The following KYNU variants were observed in gnomAD, a reference collection of about 807,000 sequenced individuals.
KYNU encodes kynureninase.
A neutral mutation model predicts 59.2 loss-of-function variants in KYNU; 54 were observed. The observed-to-expected ratio is 0.91, with a 90% CI of 0.73 to 1.14. KYNU has a LOEUF of 1.14. Among genes scored for constraint, KYNU ranks in the 50% most tolerant of loss-of-function variants. The pLI is 0.00. For missense variants in KYNU, 567 were observed against 554.4 expected (o/e 1.02, Z -0.23); for synonymous variants, 177 against 192.0 (o/e 0.92, Z 0.65).
intron 8 of KYNU, 84 bp from the exon 9 acceptor site, chr2:142,985,000 G>A (rs1685156771): frequency 4.7e-6 from 4 of 854,008 alleles, no homozygotes; most frequent in Admixed American, 3.5e-5. Context: ...ACAGAAGTTT[G>A]TCAAATGTTT....
At chr2:143,018,354 C>G (rs984940179) in intron 10 of KYNU, among the ~76,000 whole-genome samples, 15 of 152,164 alleles carry the variant, frequency 9.9e-5, no homozygotes, top group African/African-American at 3.6e-4. Flanking sequence ...TATTCTTCTG[C>G]ATATTGACAG....
At position 142,885,555 on chromosome 2, in the gene KYNU, T is replaced by C. The variant is rs779467894; in HGVS notation, c.169+19T>C. On this transcript the variant is annotated intron_variant, in intron 2 of 13. Transcript: ENST00000264170. ...CCTCCAGGTAAGAATGCTGGGAAGGTTTTTAAATTTTATTTATTTATTTAT... is the reference window on the plus strand; with the variant it reads ...CCTCCAGGTAAGAATGCTGGGAAGGCTTTTAAATTTTATTTATTTATTTAT... 1 of 1,594,022 alleles carries C rather than the reference T, an allele frequency of 6.3e-7. No individual in the cohort carries two copies. Among genetic ancestry groups the C allele is most frequent in the South Asian group, 1.1e-5 (1 of 89,092 alleles).
chr2:143,014,504 G>A (rs1686199055), intron 10 of KYNU, among the ~76,000 whole-genome samples: 1 of 152,158 alleles, frequency 6.6e-6, no homozygotes, highest in Admixed American at 6.5e-5. Context: ...GATCAAACAT[G>A]TCTACTGCAA....
In KYNU at chr2:142,983,996, C is replaced by G. The variant is rs1053184408; in HGVS notation, c.730-1088C>G. On this transcript the variant is annotated intron_variant, in intron 8 of 13. Transcript: ENST00000264170. The stretch of plus-strand genomic sequence containing the variant: ...GAAAAGGCAGGAGTAGTTGAATAGC[C>G]TTTCCGTCAATTTTGTGTATTCTTT... Among the ~76,000 whole-genome samples the G allele has an allele frequency of 6.6e-5, 10 of 152,072 alleles. No individual in the cohort carries two copies. In the South Asian group the frequency reaches 2.1e-3, roughly 32 times the overall value.
At chr2:142,960,167 G>A (rs1293105549) in intron 7 of KYNU, among the ~76,000 whole-genome samples, 4 of 152,194 alleles carry the variant, frequency 2.6e-5, no homozygotes, top group Non-Finnish European at 4.4e-5. Flanking sequence ...GATTACAGGC[G>A]TGAGCCACAC....
At chr2:143,038,060 A>G (rs1686936625) in intron 12 of KYNU, among the ~76,000 whole-genome samples, 2 of 152,214 alleles carry the variant, frequency 1.3e-5, no homozygotes, top group Admixed American at 6.5e-5. Context: ...GAAAGCTTCA[A>G]GAGCAACATT....
At chr2:142,891,938 G>T (rs1262002769) in intron 2 of KYNU, among the ~76,000 whole-genome samples, 1 of 150,748 alleles carries the variant, frequency 6.6e-6, no homozygotes. Flanking sequence ...TTTTAGATGG[G>T]GTCTCACTCT....
At chr2:142,896,073 C>T (rs1186111660) in intron 2 of KYNU, among the ~76,000 whole-genome samples, 1 of 152,152 alleles carries the variant, frequency 6.6e-6, no homozygotes, top group African/African-American at 2.4e-5. Context: ...TCTTAGCTTT[C>T]AGGCCATACA....
chr2:143,035,627 G>A (rs1210078050), intron 12 of KYNU, among the ~76,000 whole-genome samples: 1 of 152,070 alleles, frequency 6.6e-6, no homozygotes, highest in Non-Finnish European at 1.5e-5. Flanking sequence ...GTCTTGCTCT[G>A]TTGTTCAGAC....
chr2:143,038,022 C>CA (rs1686934826), intron 12 of KYNU, among the ~76,000 whole-genome samples: 1 of 151,908 alleles, frequency 6.6e-6, no homozygotes, highest in Non-Finnish European at 1.5e-5. Flanking sequence ...TTTGTCATAC[C>CA]AAAAAAATTG....
chr2:142,891,997 C>A (rs888209044), intron 2 of KYNU, among the ~76,000 whole-genome samples: 2 of 152,060 alleles, frequency 1.3e-5, no homozygotes, highest in Non-Finnish European at 2.9e-5. Flanking sequence ...AGAGCAACCT[C>A]CACCCCCTGA....
chr2:143,041,395 G>T lies in KYNU; in HGVS notation c.1273-652G>T, dbSNP rs2104927246. On this transcript the variant is annotated intron_variant, in intron 13 of 13. Transcript: ENST00000264170. ...CTGTCGTCAAACTCTGTCCTCTTTGGAAAGTTCATTAGGATCTATTGGCTT... is the reference window on the plus strand; with the variant it reads ...CTGTCGTCAAACTCTGTCCTCTTTGTAAAGTTCATTAGGATCTATTGGCTT... 1.3e-5 allele frequency among the ~76,000 whole-genome samples: 2 copies of T among 152,132 alleles called. 1 individual carries two copies. Among genetic ancestry groups the T allele is most frequent in the South Asian group, 4.1e-4 (2 of 4,824 alleles).
intron 4 of KYNU, among the ~76,000 whole-genome samples, chr2:142,940,662 T>G (rs1240116812): frequency 6.6e-6 from 1 of 152,216 alleles, no homozygotes; most frequent in Admixed American, 6.5e-5. Flanking sequence ...TTTAAATTTT[T>G]AAAAGAAAAT....
rs1558992675 is a variant in KYNU at position 143,050,504 on chromosome 2, T to G, written c.*8332T>G. On this transcript the variant is annotated 3_prime_UTR_variant, in exon 14 of 14. Transcript: ENST00000264170. The stretch of plus-strand genomic sequence containing the variant: ...TCCTCAATACTATGGCTACGTAGTA[T>G]TCCATGGTGTATATATACCACATTT... 1 of 152,220 alleles carries G rather than the reference T, an allele frequency of 6.6e-6. No homozygotes were observed. The highest frequency in any genetic ancestry group is 1.5e-5 in the Non-Finnish European group (1 of 68,048). The allele number at this position is 152,220 out of a possible 1,614,324, so 9.4% of individuals were successfully genotyped here.
At chr2:142,881,427 G>T (rs562103583) in intron 1 of KYNU, 1 of 152,190 alleles carries the variant, frequency 6.6e-6, no homozygotes, top group Non-Finnish European at 1.5e-5. Flanking sequence ...TGAAAATCGA[G>T]AGTGTAAGAA....
At chr2:142,903,857 C>T (rs916027146) in intron 2 of KYNU, among the ~76,000 whole-genome samples, 4 of 152,156 alleles carry the variant, frequency 2.6e-5, no homozygotes, top group Admixed American at 6.5e-5. Flanking sequence ...CCTTGTAGAT[C>T]GCACTGGAAG....
intron 2 of KYNU, among the ~76,000 whole-genome samples, chr2:142,916,793 A>C (rs1192569287): frequency 6.6e-6 from 1 of 152,248 alleles, no homozygotes; most frequent in Non-Finnish European, 1.5e-5. Context: ...CAATACCTAC[A>C]AGAAGAGTGA....
Position 142,964,024 on chromosome 2 carries a change from C to T in KYNU, c.729+3254C>T, listed in dbSNP as rs186660231. Among the ~76,000 whole-genome samples, 802 of 151,756 alleles carry T rather than the reference C, an allele frequency of 5.3e-3. 11 individuals carry two copies. Among genetic ancestry groups the T allele is most frequent in the African/African-American group, 0.019 (768 of 41,410 alleles). On this transcript the variant is annotated intron_variant, in intron 8 of 13. Transcript: ENST00000264170. The stretch of plus-strand genomic sequence containing the variant: ...ATTTCTGAATTTGGGATTTTAGATG[C>T]TCATCTTTTATAAAGTTTTTTTTTG...
At chr2:143,023,245 T>C (rs1459459886) in intron 10 of KYNU, among the ~76,000 whole-genome samples, 1 of 151,908 alleles carries the variant, frequency 6.6e-6, no homozygotes, top group East Asian at 1.9e-4. Context: ...TTCAGATCAA[T>C]TTACTTTAAA....
Sources: gnomAD v4.1 joint callset for allele counts (sites outside exome capture counted in the v4.1 genomes callset) on GRCh38, gnomAD v4.1.1 for gene constraint, MANE v1.5 for transcripts, NCBI Gene and HGNC (gene_info 2026-07-23, HGNC 2026-07-21) for gene names.